SGCD: variants seen among roughly 807,000 people sequenced by gnomAD.
The protein encoded by SGCD is delta-sarcoglycan.
In SGCD, 18 loss-of-function variants were observed where a neutral mutation model predicts 36.6. That is an observed-to-expected ratio of 0.49 (90% CI 0.34 to 0.73). The LOEUF is 0.73. SGCD is among the 30% of genes least tolerant of loss of function. The probability of loss-of-function intolerance (pLI) is 0.01; values close to 1 mark genes in which losing one functional copy is unlikely to be tolerated. For missense variants in SGCD, 387 were observed against 346.7 expected (o/e 1.12, Z -0.92); for synonymous variants, 133 against 130.6 (o/e 1.02, Z -0.12).
At chr5:156,579,034 T>C (rs996988571) in intron 4 of SGCD, among the ~76,000 whole-genome samples, 1 of 152,178 alleles carries the variant, frequency 6.6e-6, no homozygotes, top group African/African-American at 2.4e-5. Context: ...TTCCTGCTTT[T>C]TCTTGTGGGC....
chr5:155,917,419 G>A (rs1055366176), intron 1 of SGCD, among the ~76,000 whole-genome samples: 1 of 152,156 alleles, frequency 6.6e-6, no homozygotes, highest in Non-Finnish European at 1.5e-5. Flanking sequence ...GATCTGGCCT[G>A]TAGTAAGTAA....
chr5:156,429,173 G>T (rs1287408867), intron 3 of SGCD, among the ~76,000 whole-genome samples: 2 of 151,674 alleles, frequency 1.3e-5, no homozygotes, highest in Middle Eastern at 3.4e-3. Context: ...TTATAAATCT[G>T]GGAGCTTAAG....
At chr5:156,404,359 T>G (rs1387585339) in intron 3 of SGCD, among the ~76,000 whole-genome samples, 1 of 152,198 alleles carries the variant, frequency 6.6e-6, no homozygotes, top group Non-Finnish European at 1.5e-5. Flanking sequence ...GAAATGCAGA[T>G]TCTACTGAAG....
Position 156,450,793 on chromosome 5 carries a change from CAAATT to C in SGCD, c.193-57803_193-57799del, listed in dbSNP as rs1256327080. Reference sequence around the variant, plus strand: ...AGGTAGCTGGAACTTAACATAGAAACAAATTAAATCAGCGTGTGTGTTTGTATGTA... The same window carrying C: ...AGGTAGCTGGAACTTAACATAGAAACAAATCAGCGTGTGTGTTTGTATGTA... On this transcript the variant is annotated intron_variant, in intron 3 of 8. Transcript: ENST00000337851. Among the ~76,000 whole-genome samples, 6 of 151,790 alleles carry C rather than the reference CAAATT, an allele frequency of 4.0e-5. No homozygotes were observed. In the East Asian group the frequency reaches 1.2e-3, roughly 29 times the overall value.
chr5:156,551,809 C>T (rs1228322264), intron 4 of SGCD, among the ~76,000 whole-genome samples: 1 of 152,140 alleles, frequency 6.6e-6, no homozygotes, highest in African/African-American at 2.4e-5. Flanking sequence ...ACAGAAGTTA[C>T]TATTTCCTGA....
At chr5:156,182,026 T>G (rs1335388536) in intron 3 of SGCD, among the ~76,000 whole-genome samples, 1 of 152,220 alleles carries the variant, frequency 6.6e-6, no homozygotes, top group African/African-American at 2.4e-5. Flanking sequence ...GGAGGAGATT[T>G]CTTGACCTTT....
At chr5:155,821,634 G>A in the SGCD span, among the ~76,000 whole-genome samples, 4 of 152,092 alleles carry the variant, frequency 2.6e-5, no homozygotes, top group Non-Finnish European at 4.4e-5. Context: ...TTTTAACAGC[G>A]ACTGTTAGAA....
At chr5:155,812,340 G>A in the SGCD span, among the ~76,000 whole-genome samples, 2 of 152,288 alleles carry the variant, frequency 1.3e-5, no homozygotes, top group South Asian at 2.1e-4. Flanking sequence ...CTGACTGCAC[G>A]TCCATTCATA....
chr5:155,837,293 G>A, the SGCD span, among the ~76,000 whole-genome samples: 3 of 151,776 alleles, frequency 2.0e-5, 1 homozygote, highest in South Asian at 6.2e-4. Context: ...GAGTAGCTGG[G>A]ACTGCAGGTG....
intron 3 of SGCD, among the ~76,000 whole-genome samples, chr5:156,164,065 G>A (rs1225611865): frequency 2.7e-5 from 4 of 150,164 alleles, no homozygotes; most frequent in Admixed American, 1.3e-4. Flanking sequence ...TTTTCTGCAC[G>A]TCTGAACTTT....
chr5:156,479,182 TC>T (rs1200050819), intron 3 of SGCD, among the ~76,000 whole-genome samples: 2 of 152,068 alleles, frequency 1.3e-5, no homozygotes, highest in Non-Finnish European at 2.9e-5. Context: ...AACCTCCACC[TC>T]CCAGGTTCAA....
chr5:156,586,149 C>T (rs1040823832), intron 4 of SGCD, among the ~76,000 whole-genome samples: 8 of 151,958 alleles, frequency 5.3e-5, no homozygotes, highest in South Asian at 4.2e-4. Flanking sequence ...TATCTCCCTA[C>T]GCTCTTGGCT....
At chr5:156,374,141 T>A (rs1554097603) in intron 3 of SGCD, among the ~76,000 whole-genome samples, 3 of 119,664 alleles carry the variant, frequency 2.5e-5, no homozygotes, top group Non-Finnish European at 3.5e-5. Flanking sequence ...AAGAAAATGT[T>A]CAAAATACAA....
chr5:156,483,079 G>C (rs943008285), intron 3 of SGCD, among the ~76,000 whole-genome samples: 8 of 152,064 alleles, frequency 5.3e-5, no homozygotes, highest in African/African-American at 1.9e-4. Flanking sequence ...AATGGTATTT[G>C]AGCAAAGACC....
rs573775038 is a variant in SGCD, at chr5:156,584,452, G to A, written c.295-4779G>A. On this transcript the variant is annotated intron_variant, in intron 4 of 8. Coordinates refer to ENST00000337851, the MANE Select transcript of SGCD (RefSeq NM_000337.6). The stretch of plus-strand genomic sequence containing the variant: ...GGCTACCTGCTCAGCCTTTAGAACA[G>A]TGCTTTATGCTTAGAAGACAGATGA... Among the ~76,000 whole-genome samples, 7 of 152,310 alleles carry A rather than the reference G, an allele frequency of 4.6e-5. No homozygotes were observed. In the East Asian group the frequency reaches 1.2e-3, roughly 25 times the overall value.
At chr5:156,305,476 A>G (rs1242351897) in intron 3 of SGCD, among the ~76,000 whole-genome samples, 1 of 152,136 alleles carries the variant, frequency 6.6e-6, no homozygotes. Context: ...TAGATTTCAG[A>G]GGATGTATGG....
At chr5:156,642,947 G>A (rs1037592121) in intron 6 of SGCD, among the ~76,000 whole-genome samples, 1 of 151,734 alleles carries the variant, frequency 6.6e-6, no homozygotes, top group African/African-American at 2.4e-5. Flanking sequence ...TACTTTCAAA[G>A]ACATGTTTCT....
intron 6 of SGCD, among the ~76,000 whole-genome samples, chr5:156,606,541 T>C (rs946502328): frequency 6.6e-6 from 1 of 152,198 alleles, no homozygotes; most frequent in African/African-American, 2.4e-5. Flanking sequence ...TCTTTTTTGG[T>C]TCCATATGAA....
chr5:155,908,897 G>A (rs1756577082), intron 1 of SGCD, among the ~76,000 whole-genome samples: 1 of 152,090 alleles, frequency 6.6e-6, no homozygotes, highest in Non-Finnish European at 1.5e-5. Flanking sequence ...CATAGTAGGT[G>A]CTCAATGAAT....
Sources: allele counts gnomAD v4.1 joint callset (sites outside exome capture counted in the v4.1 genomes callset), GRCh38; gene constraint gnomAD v4.1.1; transcripts MANE v1.5; gene names NCBI Gene and HGNC (gene_info 2026-07-23, HGNC 2026-07-21).